MTR: variants seen among roughly 807,000 people sequenced by gnomAD.
MTR encodes methionine synthase.
Under a neutral mutation model 154.8 loss-of-function variants are expected in MTR, and 84 were observed. The ratio of observed to expected loss-of-function variants is 0.54; its 90% CI spans 0.45 to 0.65. The LOEUF (loss-of-function observed/expected upper bound fraction) is 0.65, where lower values mean the gene tolerates loss of function less well. Ranked by LOEUF, MTR falls within the 30% of genes least tolerant of loss-of-function variation. MTR has a pLI of 0.00. For synonymous variants in MTR, 554 were observed against 553.9 expected (o/e 1.00, Z 0.00); for missense variants, 1,275 against 1,570.2 (o/e 0.81, Z 3.18).
chr1:236,852,965 G>C lies in MTR; in HGVS notation c.1830G>C (p.Gly610=). The change falls in exon 18 of 33, where the codon GGG becomes GGC. Residue 610 remains glycine (G), a synonymous_variant. Transcript: ENST00000366577. The part of the protein sequence containing the change: ...YHAIKSGMDM[G]IVNAGNLPVY... ...GCCCTTAGTCTGGCATGGACATGGG[G>C]ATAGTGAATGCTGGAAACCTCCCTG... 1.2e-6 allele frequency: 2 copies of C among 1,614,004 alleles called. No individual in the cohort carries two copies. Among genetic ancestry groups the C allele is most frequent in the Non-Finnish European group, 1.7e-6 (2 of 1,179,926 alleles).
rs759436870 is a variant in MTR, at chr1:236,894,535, C to T, written c.3383C>T (p.Ala1128Val). The T allele has an allele frequency of 2.5e-5, 41 of 1,613,932 alleles. No homozygotes were observed. The highest frequency in any genetic ancestry group is 5.0e-5 in the Admixed American group (3 of 59,982). ...GACTACAGCAGCATCATGGTCAAGG[C>T]GCTGGGGGACCGGCTGGCAGAGGTA... The part of the protein sequence containing the change: ...GDDYSSIMVK[A>V]LGDRLAEAFA... Residue 1128 changes from alanine to valine, a missense_variant, in exon 30 of 33, where the codon GCG becomes GTG. By Grantham distance (64) the Ala-to-Val change is moderately conservative. Transcript: ENST00000366577.
chr1:236,831,999 A>G lies in MTR; in HGVS notation c.1109A>G (p.Asn370Ser). 6.2e-7 allele frequency: 1 copy of G among 1,614,136 alleles called. No individual in the cohort carries two copies. Residue 370 changes from asparagine (N) to serine (S), a missense_variant, in exon 13 of 33, where the codon AAC (asparagine) becomes AGC (serine). Asn to Ser is a conservative substitution (Grantham distance 46). Transcript: ENST00000366577. ...LEPFRIGPYT[N>S]FVNIGERCNV... ...CCCTTCAGGATTGGACCGTACACCA[A>G]CTTTGTTAACATTGGAGAGCGCTGT...
At chr1:236,814,578 C>A (rs540431268) in intron 6 of MTR, among the ~76,000 whole-genome samples, 70 of 152,282 alleles carry the variant, frequency 4.6e-4, no homozygotes, top group South Asian at 1.7e-3. Context: ...TATTAAACAT[C>A]CTGTTATTTC....
intron 21 of MTR, among the ~76,000 whole-genome samples, chr1:236,862,832 T>C (rs1266874489): frequency 6.6e-6 from 1 of 152,244 alleles, no homozygotes; most frequent in Non-Finnish European, 1.5e-5. Context: ...CATTAAGCTT[T>C]TTGACCTTGT....
At chr1:236,847,519 A>G (rs1033092821) in intron 15 of MTR, among the ~76,000 whole-genome samples, 15 of 152,328 alleles carry the variant, frequency 9.8e-5, no homozygotes, top group Middle Eastern at 3.4e-3. Flanking sequence ...TAGCTTCTCT[A>G]TGGCTTAAGA....
intron 24 of MTR, among the ~76,000 whole-genome samples, chr1:236,876,341 C>G (rs1377186797): frequency 1.3e-5 from 2 of 152,128 alleles, no homozygotes; most frequent in Non-Finnish European, 2.9e-5. Context: ...GTTTGCGTTT[C>G]CACAAAGGAC....
At chr1:236,884,785 C>T (rs1558338030) in intron 25 of MTR, among the ~76,000 whole-genome samples, 1 of 152,088 alleles carries the variant, frequency 6.6e-6, no homozygotes, top group Non-Finnish European at 1.5e-5. Flanking sequence ...GAAGGTCCCC[C>T]ACCATAAATC....
In MTR at chr1:236,826,905, C is replaced by T. The variant is rs1260594463; in HGVS notation, c.995+9C>T. 1.2e-6 allele frequency: 2 copies of T among 1,609,416 alleles called. No individual in the cohort carries two copies. Among genetic ancestry groups the T allele is most frequent in the Non-Finnish European group, 8.5e-7 (1 of 1,175,872 alleles). ...ACACCAGATCATATCAGGTAATAAT[C>T]ACCTATAGACAATATATCTAAAACC... On this transcript the variant is annotated intron_variant, in intron 11 of 32. Coordinates refer to ENST00000366577, the MANE Select transcript of MTR (RefSeq NM_000254.3).
At chr1:236,855,797 A>G (rs1173738788) in intron 18 of MTR, among the ~76,000 whole-genome samples, 1 of 152,180 alleles carries the variant, frequency 6.6e-6, no homozygotes, top group African/African-American at 2.4e-5. Context: ...GTAGCTTTCT[A>G]TGTAAGCTTC....
intron 17 of MTR, 33 bp from the exon 18 acceptor site, chr1:236,852,915 G>C: frequency 6.2e-7 from 1 of 1,613,328 alleles, no homozygotes; most frequent in Non-Finnish European, 8.5e-7. Context: ...AGGTATCACT[G>C]TAAATTCTCA....
chr1:236,843,635 G>A (rs1184919352), intron 15 of MTR, among the ~76,000 whole-genome samples: 1 of 152,164 alleles, frequency 6.6e-6, no homozygotes, highest in Non-Finnish European at 1.5e-5. Flanking sequence ...ATATGGTGAT[G>A]GTTAGGGCCA....
chr1:236,853,181 C>A, intron 18 of MTR, 93 bp downstream of exon 18: 1 of 1,377,172 alleles, frequency 7.3e-7, no homozygotes, highest in Non-Finnish European at 1.0e-6. Flanking sequence ...GGAATAGAAG[C>A]AAATATCGAA....
At chr1:236,827,586 G>A (rs1051170442) in intron 11 of MTR, among the ~76,000 whole-genome samples, 4 of 152,106 alleles carry the variant, frequency 2.6e-5, no homozygotes, top group Non-Finnish European at 4.4e-5. Flanking sequence ...GGCAAATACA[G>A]GCCTCCATTA....
chr1:236,880,718 C>T (rs749423877), intron 24 of MTR, 37 bp from the exon 25 acceptor site: 2 of 1,515,658 alleles, frequency 1.3e-6, no homozygotes, highest in African/African-American at 2.7e-5. Flanking sequence ...ACTGTCAGTG[C>T]TGATGGATAT....
At chr1:236,889,131 T>G (rs1666179683) in intron 27 of MTR, 50 bp from the exon 28 acceptor site, 2 of 1,611,058 alleles carry the variant, frequency 1.2e-6, no homozygotes, top group Admixed American at 1.7e-5. Flanking sequence ...GAGGCCTCCA[T>G]CAGGCAGGGT....
chr1:236,818,642 G>C (rs568511410), intron 8 of MTR, among the ~76,000 whole-genome samples: 1 of 152,214 alleles, frequency 6.6e-6, no homozygotes, highest in Admixed American at 6.5e-5. Context: ...CAGACTGTAG[G>C]GGCAGATAGA....
At chr1:236,842,011 C>T (rs1461231765) in intron 15 of MTR, among the ~76,000 whole-genome samples, 1 of 152,072 alleles carries the variant, frequency 6.6e-6, no homozygotes, top group Non-Finnish European at 1.5e-5. Context: ...CCTGCCTCAG[C>T]CTCCCGAGTA....
rs781239294 is a variant in MTR at position 236,874,706 on chromosome 1, TTTAAA to T, written c.2474-19_2474-15del. The T allele has an allele frequency of 3.0e-4, 443 of 1,497,914 alleles. No homozygotes were observed. Among genetic ancestry groups the T allele is most frequent in the Non-Finnish European group, 3.6e-4 (400 of 1,109,008 alleles). The allele number at this position is 1,497,914 out of a possible 1,614,324, so 92.8% of individuals were successfully genotyped here. ...TCACTGTCCTTTTTGTCCTTTTTTT[TTTAAA>T]AAAAAAAAAAATAGATATAATTGGC... On this transcript the variant is annotated splice_polypyrimidine_tract_variant and intron_variant, in intron 23 of 32. Transcript: ENST00000366577.
intron 9 of MTR, among the ~76,000 whole-genome samples, chr1:236,824,428 TC>T (rs1377611635): frequency 1.3e-5 from 2 of 152,162 alleles, no homozygotes; most frequent in African/African-American, 2.4e-5. Context: ...GTACAGAACT[TC>T]CGGAAATGAG....
Sources: allele counts gnomAD v4.1 joint callset (sites outside exome capture counted in the v4.1 genomes callset), GRCh38; gene constraint gnomAD v4.1.1; transcripts MANE v1.5; gene names NCBI Gene and HGNC (gene_info 2026-07-23, HGNC 2026-07-21).